Variants in GCNT1 observed in about 807,000 individuals in gnomAD.
GCNT1 encodes the protein beta-1,3-galactosyl-O-glycosyl-glycoprotein beta-1,6-N-acetylglucosaminyltransferase.
A neutral mutation model predicts 26.2 loss-of-function variants in GCNT1; 16 were observed. The observed-to-expected ratio is 0.61, with a 90% CI of 0.41 to 0.93. The LOEUF (loss-of-function observed/expected upper bound fraction) is 0.93, where lower values mean the gene tolerates loss of function less well. GCNT1 is among the 40% of genes least tolerant of loss of function. The probability of loss-of-function intolerance (pLI) is 0.00; values close to 1 mark genes in which losing one functional copy is unlikely to be tolerated. For synonymous variants in GCNT1, 183 were observed against 190.8 expected, an observed-to-expected ratio of 0.96 and a Z score of 0.34; for missense variants, 477 against 526.7, an observed-to-expected ratio of 0.91 and a Z score of 0.92.
intron 2 of GCNT1, among the ~76,000 whole-genome samples, chr9:76,463,752 AAC>A (rs1823930241): frequency 6.6e-6 from 1 of 152,248 alleles, no homozygotes; most frequent in Non-Finnish European, 1.5e-5. Flanking sequence ...TTATGAGCCA[AAC>A]ACATAGTCAC....
Position 76,502,874 on chromosome 9 carries a change from G to A in GCNT1, c.493G>A (p.Ala165Thr), listed in dbSNP as rs1825120393. Residue 165 changes from alanine to threonine, a missense_variant, in exon 4 of 4, where the codon GCA becomes ACA. Coordinates refer to ENST00000376730, the MANE Select transcript of GCNT1 (RefSeq NM_001490.5). ...AAAATCCGAGGATTCCTATTTAGCTGCAGTGATGGGCATCGCTTCCTGTTT... is the reference window on the plus strand; with the variant it reads ...AAAATCCGAGGATTCCTATTTAGCTACAGTGATGGGCATCGCTTCCTGTTT... ...DTKSEDSYLAAVMGIASCFSN... is the reference protein window; with the variant it reads ...DTKSEDSYLATVMGIASCFSN... The A allele has an allele frequency of 6.2e-7, 1 of 1,614,056 alleles. No homozygotes were observed. The highest frequency in any genetic ancestry group is 8.5e-7 in the Non-Finnish European group (1 of 1,180,014).
intron 1 of GCNT1, among the ~76,000 whole-genome samples, chr9:76,451,796 C>T (rs934600369): frequency 8.6e-5 from 13 of 152,010 alleles, no homozygotes; most frequent in Admixed American, 2.6e-4. Context: ...AAGTAATATA[C>T]CTACAGAGAA....
intron 1 of GCNT1, among the ~76,000 whole-genome samples, chr9:76,422,739 G>T (rs1323845984): frequency 6.6e-6 from 1 of 152,082 alleles, no homozygotes; most frequent in Non-Finnish European, 1.5e-5. Flanking sequence ...TTTTTGTAGA[G>T]ACTAGGTTTC....
upstream of GCNT1, among the ~76,000 whole-genome samples, chr9:76,458,024 C>T (rs1277080758): frequency 6.6e-6 from 1 of 152,084 alleles, no homozygotes; most frequent in Non-Finnish European, 1.5e-5. Context: ...GTTAATCTAC[C>T]TGCAGTCAAT....
At chr9:76,428,302 A>AAAAG (rs1222053703) in intron 1 of GCNT1, among the ~76,000 whole-genome samples, 8 of 149,330 alleles carry the variant, frequency 5.4e-5, no homozygotes, top group Non-Finnish European at 7.4e-5. Context: ...TAAAAAAAAA[A>AAAAG]AGAGAGAGAG....
At position 76,505,494 on chromosome 9, in the gene GCNT1, C is replaced by T. The variant is rs943778649; in HGVS notation, c.*1826C>T. 1 of 166,906 alleles carries T rather than the reference C, an allele frequency of 6.0e-6. No homozygotes were observed. The highest frequency in any genetic ancestry group is 2.4e-5 in the African/African-American group (1 of 41,470). The allele number at this position is 166,906 out of a possible 1,614,324, so 10.3% of individuals were successfully genotyped here. ...CATGTCAAATATTTCTCCCATGCTT[C>T]TCTTAGCAGAAAAGTTTTTACCTAT... On this transcript the variant is annotated 3_prime_UTR_variant, in exon 4 of 4. Coordinates refer to ENST00000376730, the MANE Select transcript of GCNT1 (RefSeq NM_001490.5).
chr9:76,504,107 A>G lies in GCNT1; in HGVS notation c.*439A>G, dbSNP rs561713871. 104 of 206,366 alleles carry G rather than the reference A, an allele frequency of 5.0e-4. No homozygotes were observed. The highest frequency in any genetic ancestry group is 2.4e-3 in the African/African-American group (104 of 43,016). The allele number at this position is 206,366 out of a possible 1,614,324, so 12.8% of individuals were successfully genotyped here. Reference sequence around the variant, plus strand: ...CTTACAGCAACAAATAATCAAAGATACAATTAATCTGATATTATATTTGTT... The same window carrying G: ...CTTACAGCAACAAATAATCAAAGATGCAATTAATCTGATATTATATTTGTT... On this transcript the variant is annotated 3_prime_UTR_variant, in exon 4 of 4. Coordinates refer to ENST00000376730, the MANE Select transcript of GCNT1 (RefSeq NM_001490.5).
chr9:76,481,692 G>A (rs1447868545), intron 2 of GCNT1, among the ~76,000 whole-genome samples: 1 of 152,078 alleles, frequency 6.6e-6, no homozygotes, highest in African/African-American at 2.4e-5. Flanking sequence ...ATTTCCACAA[G>A]CGTGTCAAGA....
At chr9:76,407,848 T>C in the GCNT1 span, among the ~76,000 whole-genome samples, 1 of 152,224 alleles carries the variant, frequency 6.6e-6, no homozygotes, top group Non-Finnish European at 1.5e-5. Flanking sequence ...GTTAGATTCA[T>C]ACCTAAGTAT....
At position 76,505,012 on chromosome 9, in the gene GCNT1, C is replaced by T. The variant is rs1825200870; in HGVS notation, c.*1344C>T. On this transcript the variant is annotated 3_prime_UTR_variant, in exon 4 of 4. Coordinates refer to ENST00000376730, the MANE Select transcript of GCNT1 (RefSeq NM_001490.5). The stretch of plus-strand genomic sequence containing the variant: ...ATTTGGGGTTGCTATAATGCTGTCA[C>T]ACATCTCAAAGTACATTCAAATCTT... 1 of 413,040 alleles carries T rather than the reference C, an allele frequency of 2.4e-6. No homozygotes were observed. Among genetic ancestry groups the T allele is most frequent in the Admixed American group, 4.4e-5 (1 of 22,714 alleles). The allele number at this position is 413,040 out of a possible 1,614,324, so 25.6% of individuals were successfully genotyped here.
At chr9:76,470,596 C>A (rs1824107368) in intron 2 of GCNT1, among the ~76,000 whole-genome samples, 1 of 118,610 alleles carries the variant, frequency 8.4e-6, no homozygotes, top group Non-Finnish European at 1.7e-5. Context: ...AGAGCAAGAC[C>A]CTGTCCCAAA....
intron 2 of GCNT1, among the ~76,000 whole-genome samples, chr9:76,469,816 TCCATGAC>T (rs1824091831): frequency 6.6e-6 from 1 of 152,118 alleles, no homozygotes. Flanking sequence ...ACGGTTCTCT[TCCATGAC>T]CCATGGCTTC....
chr9:76,459,648 G>T (rs1231490125), intron 1 of GCNT1, among the ~76,000 whole-genome samples: 2 of 152,196 alleles, frequency 1.3e-5, no homozygotes, highest in Non-Finnish European at 2.9e-5. Context: ...CAGACTCGCT[G>T]CCATCCCATG....
chr9:76,502,598 G>T lies in GCNT1; in HGVS notation c.217G>T (p.Val73Leu). The change falls in exon 4 of 4, where the codon GTA becomes TTA. Residue 73 changes from valine to leucine, a missense_variant. Physicochemically the swap from Val to Leu is conservative, Grantham distance 32. Coordinates refer to ENST00000376730, the MANE Select transcript of GCNT1 (RefSeq NM_001490.5). ...GGGTGATGTAAATGAAATCCAAAAG[G>T]TAAAGCTTGAGATCCTAACAGTGAA... ...LQGDVNEIQK[V>L]KLEILTVKFK... 6.2e-7 allele frequency: 1 copy of T among 1,613,860 alleles called. No homozygotes were observed. Among genetic ancestry groups the T allele is most frequent in the Non-Finnish European group, 8.5e-7 (1 of 1,179,866 alleles).
chr9:76,425,435 C>G (rs1004557626), intron 1 of GCNT1, among the ~76,000 whole-genome samples: 14 of 152,162 alleles, frequency 9.2e-5, no homozygotes, highest in Admixed American at 4.6e-4. Flanking sequence ...GTTGTCTAGG[C>G]TGGTCTTGAA....
At chr9:76,497,573 G>T (rs1824942824) in intron 2 of GCNT1, among the ~76,000 whole-genome samples, 1 of 152,148 alleles carries the variant, frequency 6.6e-6, no homozygotes, top group Non-Finnish European at 1.5e-5. Context: ...GTTGTAAAAA[G>T]CGTTTTTCAA....
chr9:76,418,089 G>A (rs1823148351), upstream of GCNT1, among the ~76,000 whole-genome samples: 1 of 152,090 alleles, frequency 6.6e-6, no homozygotes, highest in South Asian at 2.1e-4. Context: ...TCAAATACAC[G>A]TAAGGTATAC....
chr9:76,495,228 C>T (rs762466672), intron 2 of GCNT1, among the ~76,000 whole-genome samples: 16 of 152,172 alleles, frequency 1.1e-4, no homozygotes, highest in African/African-American at 7.2e-5. Context: ...AATAAAGCCG[C>T]GGACCTTTGC....
the GCNT1 span, among the ~76,000 whole-genome samples, chr9:76,413,653 G>GTTTTTTTTTTTTTGTTTTTTT: frequency 2.4e-4 from 28 of 118,652 alleles, no homozygotes; most frequent in Non-Finnish European, 4.2e-4. Context: ...GTTTTGTTTT[G>GTTTTTTTTTTTTTGTTTTTTT]TTTTTTTTTT....
Sources: gnomAD v4.1 joint callset for allele counts (sites outside exome capture counted in the v4.1 genomes callset) on GRCh38, gnomAD v4.1.1 for gene constraint, MANE v1.5 for transcripts, NCBI Gene and HGNC (gene_info 2026-07-23, HGNC 2026-07-21) for gene names.